Variants in GRIA3 observed in about 807,000 individuals in gnomAD.
GRIA3 encodes the protein glutamate receptor 3.
In GRIA3, 3 loss-of-function variants were observed where a neutral mutation model predicts 63.0. That is an observed-to-expected ratio of 0.05 (90% CI 0.02 to 0.12). The LOEUF (loss-of-function observed/expected upper bound fraction) is 0.12. Among genes scored for constraint, GRIA3 ranks in the 10% least tolerant of loss-of-function variants. GRIA3 has a pLI of 1.00. For synonymous variants in GRIA3, 274 were observed against 257.9 expected (o/e 1.06, Z -0.60); for missense variants, 347 against 700.9 (o/e 0.50, Z 5.70).
At chrX:123,314,050 C>T (rs1232611191) in intron 3 of GRIA3, among the ~76,000 whole-genome samples, 1 of 111,237 alleles carries the variant, frequency 9.0e-6, no homozygotes, top group Non-Finnish European at 1.9e-5. Context: ...CCCCCACTGC[C>T]ACCCAACTAG....
At chrX:123,241,526 C>A (rs970849362) in intron 2 of GRIA3, among the ~76,000 whole-genome samples, 1 of 110,527 alleles carries the variant, frequency 9.0e-6, no homozygotes, top group Non-Finnish European at 1.9e-5. Flanking sequence ...TACTCAGCAG[C>A]ACTGACAGAT....
At chrX:123,297,971 C>T (rs563409327) in intron 3 of GRIA3, among the ~76,000 whole-genome samples, 97 of 110,726 alleles carry the variant, frequency 8.8e-4, no homozygotes, top group African/African-American at 2.3e-3. Context: ...TAAGAACATG[C>T]GGTATTTGTT....
chrX:123,271,080 T>C (rs1313180531), intron 3 of GRIA3, among the ~76,000 whole-genome samples: 2 of 112,071 alleles, frequency 1.8e-5, no homozygotes, highest in Non-Finnish European at 3.8e-5. Flanking sequence ...TTCTTATAGC[T>C]GCTGATAAGC....
chrX:123,200,964 T>C (rs1927723614), intron 2 of GRIA3, among the ~76,000 whole-genome samples: 1 of 111,813 alleles, frequency 8.9e-6, no homozygotes, highest in Non-Finnish European at 1.9e-5. Context: ...TCTATCTCTT[T>C]CTTGTTGTAT....
At chrX:123,485,764 A>T in intron 15 of GRIA3, among the ~76,000 whole-genome samples, 1 of 111,705 alleles carries the variant, frequency 9.0e-6, no homozygotes, top group Non-Finnish European at 1.9e-5. Flanking sequence ...CTGAGAATTT[A>T]TGTCCCTACT....
chrX:123,401,551 T>C (rs1297883537), intron 7 of GRIA3, among the ~76,000 whole-genome samples: 1 of 112,044 alleles, frequency 8.9e-6, no homozygotes, highest in African/African-American at 3.2e-5. Flanking sequence ...TGATGCCACC[T>C]TCTCTGCAAG....
rs150564526 is a variant in GRIA3, at chrX:123,433,474, A to G, written c.2076+5335A>G. 5.6e-3 allele frequency among the ~76,000 whole-genome samples: 630 copies of G among 111,937 alleles called. 5 individuals are homozygous for G. Among genetic ancestry groups the G allele is most frequent in the African/African-American group, 0.019 (591 of 30,845 alleles). ...ATTTATTCTAAGAACACATTGATAT[A>G]CAACTTATATATCACATATAAGAAG... On this transcript the variant is annotated intron_variant, in intron 12 of 15. Coordinates refer to ENST00000620443, the MANE Select transcript of GRIA3 (RefSeq NM_007325.5).
rs2045948822 is a variant in GRIA3 at position 123,487,548 on chromosome X, G to T, written c.*3-1165G>T. Among the ~76,000 whole-genome samples the T allele has an allele frequency of 2.7e-5, 3 of 111,836 alleles. No individual in the cohort carries two copies. In the South Asian group the frequency reaches 1.1e-3, roughly 42 times the overall value. On this transcript the variant is annotated intron_variant, in intron 15 of 15. Coordinates refer to ENST00000620443, the MANE Select transcript of GRIA3 (RefSeq NM_007325.5). Reference sequence around the variant, plus strand: ...AAAAAAAGCATTCTGGATAACCAAGGTGATGATGTTCTTTCTCCCAAGGGA... The same window carrying T: ...AAAAAAAGCATTCTGGATAACCAAGTTGATGATGTTCTTTCTCCCAAGGGA...
At chrX:123,384,367 G>A (rs1190848236) in intron 5 of GRIA3, among the ~76,000 whole-genome samples, 1 of 112,555 alleles carries the variant, frequency 8.9e-6, no homozygotes, top group African/African-American at 3.2e-5. Context: ...GCTAACGCCT[G>A]TATTCCCAGC....
At chrX:123,406,588 C>A (rs1227627419) in intron 10 of GRIA3, among the ~76,000 whole-genome samples, 1 of 111,362 alleles carries the variant, frequency 9.0e-6, no homozygotes, top group Admixed American at 9.5e-5. Context: ...AAAGCTGGAC[C>A]CCAGATATAA....
chrX:123,324,101 A>G (rs978066920), intron 3 of GRIA3, among the ~76,000 whole-genome samples: 3 of 111,738 alleles, frequency 2.7e-5, no homozygotes, highest in African/African-American at 6.5e-5. Context: ...AAAGAATGTT[A>G]AAGGGAAACA....
intron 3 of GRIA3, among the ~76,000 whole-genome samples, chrX:123,283,914 T>A (rs1473446530): frequency 8.9e-6 from 1 of 112,571 alleles, no homozygotes; most frequent in African/African-American, 3.2e-5. Context: ...ACAGATGGCC[T>A]CCTCAAGTGG....
intron 3 of GRIA3, among the ~76,000 whole-genome samples, chrX:123,320,049 A>T (rs1040827077): frequency 3.6e-5 from 4 of 111,876 alleles, no homozygotes; most frequent in African/African-American, 1.3e-4. Context: ...TGCAACCAGC[A>T]TTGAAAGCCA....
At chrX:123,195,776 T>A (rs780413503) in intron 2 of GRIA3, among the ~76,000 whole-genome samples, 3 of 112,049 alleles carry the variant, frequency 2.7e-5, no homozygotes, top group Non-Finnish European at 3.8e-5. Flanking sequence ...TTATAACTAC[T>A]GAGAACAGCA....
At position 123,253,495 on chromosome X, in the gene GRIA3, G is replaced by T; in HGVS notation, c.461G>T (p.Gly154Val). 3 of 1,207,413 alleles carry T rather than the reference G, an allele frequency of 2.5e-6. No individual in the cohort carries two copies. Among genetic ancestry groups the T allele is most frequent in the Non-Finnish European group, 3.4e-6 (3 of 891,822 alleles). The change falls in exon 3 of 16, where the codon GGT becomes GTT. Residue 154 changes from glycine to valine, a missense_variant. Physicochemically the swap from Gly to Val is moderately radical, Grantham distance 109. Coordinates refer to ENST00000620443, the MANE Select transcript of GRIA3 (RefSeq NM_007325.5). Reference protein sequence around the residue: ...ALKGAILSLLGHYKWEKFVYL... With the variant: ...ALKGAILSLLVHYKWEKFVYL... ...AAGGGCGCTATTCTGAGTCTTCTGGGTCATTACAAGTGGGAGAAGTTTGTG... is the reference window on the plus strand; with the variant it reads ...AAGGGCGCTATTCTGAGTCTTCTGGTTCATTACAAGTGGGAGAAGTTTGTG...
At chrX:123,223,963 A>G (rs2044231834) in intron 2 of GRIA3, among the ~76,000 whole-genome samples, 1 of 111,428 alleles carries the variant, frequency 9.0e-6, no homozygotes, top group South Asian at 3.8e-4. Context: ...TAATCATCTC[A>G]CCTTGCCCAT....
chrX:123,244,499 C>T (rs190231441), intron 2 of GRIA3, among the ~76,000 whole-genome samples: 5 of 112,605 alleles, frequency 4.4e-5, no homozygotes, highest in Non-Finnish European at 9.4e-5. Flanking sequence ...AGAATATCCA[C>T]CCTTTTTAAG....
At chrX:123,273,655 G>A (rs1274240636) in intron 3 of GRIA3, among the ~76,000 whole-genome samples, 1 of 111,634 alleles carries the variant, frequency 9.0e-6, no homozygotes, top group Non-Finnish European at 1.9e-5. Flanking sequence ...GGCCACGGGG[G>A]CCCAAGACCT....
chrX:123,203,067 T>C (rs1249092545), intron 2 of GRIA3, among the ~76,000 whole-genome samples: 1 of 112,000 alleles, frequency 8.9e-6, no homozygotes, highest in Non-Finnish European at 1.9e-5. Context: ...ACGAGGCTGT[T>C]TGGGGACATG....
Sources: gnomAD v4.1 joint callset for allele counts (sites outside exome capture counted in the v4.1 genomes callset) on GRCh38, gnomAD v4.1.1 for gene constraint, MANE v1.5 for transcripts, NCBI Gene and HGNC (gene_info 2026-07-23, HGNC 2026-07-21) for gene names.